Variants in CUBN observed in about 807,000 individuals in gnomAD.
The protein encoded by CUBN is 460 kDa receptor.
A neutral mutation model predicts 405.3 loss-of-function variants in CUBN; 282 were observed. That is an observed-to-expected ratio of 0.70 (90% CI 0.63 to 0.77). CUBN has a LOEUF of 0.77. Among genes scored for constraint, CUBN ranks in the 30% least tolerant of loss-of-function variants. The pLI is 0.00. For synonymous variants in CUBN, 1,684 were observed against 1,617.0 expected (o/e 1.04, Z -0.99); for missense variants, 4,514 against 4,475.2 (o/e 1.01, Z -0.25).
intron 58 of CUBN, among the ~76,000 whole-genome samples, chr10:16,873,727 AAAAAAAAAAAG>A (rs1388181934): frequency 1.3e-5 from 2 of 151,718 alleles, no homozygotes; most frequent in Non-Finnish European, 2.9e-5. Context: ...CTCTCAAAAA[AAAAAAAAAAAG>A]AAAAGAAAAA....
chr10:16,889,378 T>C (rs1438061659), intron 55 of CUBN, among the ~76,000 whole-genome samples: 1 of 152,136 alleles, frequency 6.6e-6, no homozygotes, highest in Non-Finnish European at 1.5e-5. Context: ...TTCCTCAAAC[T>C]TTTCCCTAAA....
chr10:16,921,662 C>T (rs1842036909), intron 43 of CUBN, among the ~76,000 whole-genome samples: 1 of 152,214 alleles, frequency 6.6e-6, no homozygotes, highest in South Asian at 2.1e-4. Flanking sequence ...GTCATTCTTC[C>T]TCTGGCCCTT....
intron 6 of CUBN, 152 bp from the exon 7 acceptor site, chr10:17,115,749 C>G: frequency 3.2e-6 from 3 of 927,196 alleles, no homozygotes; most frequent in Non-Finnish European, 5.1e-6. Context: ...ACTGGAGTCT[C>G]GGGAGAAAAT....
intron 28 of CUBN, among the ~76,000 whole-genome samples, chr10:17,012,215 C>T (rs189359676): frequency 1.2e-3 from 177 of 152,146 alleles, no homozygotes; most frequent in Admixed American, 1.9e-3. Context: ...ATACAGGGCC[C>T]GAAGGCAAGT....
At chr10:16,875,336 C>A (rs1429187312) in intron 57 of CUBN, among the ~76,000 whole-genome samples, 2 of 152,156 alleles carry the variant, frequency 1.3e-5, no homozygotes, top group Non-Finnish European at 2.9e-5. Context: ...TGATCACTCT[C>A]CCTGCAGTGG....
intron 27 of CUBN, among the ~76,000 whole-genome samples, chr10:17,039,903 C>T (rs1354704576): frequency 6.6e-6 from 1 of 152,166 alleles, no homozygotes. Context: ...GTTAGGACCT[C>T]ACAGAGTCTC....
chr10:16,840,803 C>A, intron 61 of CUBN, 82 bp downstream of exon 61: 1 of 1,248,200 alleles, frequency 8.0e-7, no homozygotes, highest in East Asian at 2.3e-5. Context: ...ATTGAAATTT[C>A]GATATAATAA....
intron 31 of CUBN, among the ~76,000 whole-genome samples, chr10:16,972,175 C>G (rs1207010534): frequency 6.6e-6 from 1 of 152,124 alleles, no homozygotes; most frequent in Non-Finnish European, 1.5e-5. Flanking sequence ...GATCTTTCAT[C>G]CACCCGTTAC....
At chr10:16,969,230 T>C (rs949066041) in intron 31 of CUBN, among the ~76,000 whole-genome samples, 4 of 142,816 alleles carry the variant, frequency 2.8e-5, no homozygotes, top group African/African-American at 1.0e-4. Flanking sequence ...GGAGCAGAGA[T>C]GACAAAAATT....
chr10:16,880,290 T>G (rs1840631022), intron 56 of CUBN, among the ~76,000 whole-genome samples: 1 of 152,162 alleles, frequency 6.6e-6, no homozygotes, highest in South Asian at 2.1e-4. Flanking sequence ...ATTGACTGAT[T>G]GATAATTCCA....
intron 27 of CUBN, among the ~76,000 whole-genome samples, chr10:17,032,521 C>T (rs535041411): frequency 3.9e-5 from 6 of 152,286 alleles, no homozygotes; most frequent in African/African-American, 1.4e-4. Flanking sequence ...CATACTTATA[C>T]TCAGTTACTG....
At chr10:17,119,767 G>C (rs1836993053) in intron 6 of CUBN, among the ~76,000 whole-genome samples, 1 of 152,218 alleles carries the variant, frequency 6.6e-6, no homozygotes, top group Non-Finnish European at 1.5e-5. Context: ...AATTGTGTTA[G>C]TTGTCTGAAG....
intron 36 of CUBN, among the ~76,000 whole-genome samples, chr10:16,944,203 T>C (rs1368759804): frequency 6.6e-6 from 1 of 152,180 alleles, no homozygotes; most frequent in Non-Finnish European, 1.5e-5. Flanking sequence ...GCACTTTGAA[T>C]AGAAAGATTT....
rs1588557222 is a variant in CUBN at position 16,990,510 on chromosome 10, C to T, written c.4174G>A (p.Gly1392Ser). The change falls in exon 29 of 67, where the codon GGT (glycine) becomes AGT (serine). Residue 1392 changes from glycine (G) to serine (S), a missense_variant. By Grantham distance (56) the Gly-to-Ser change is moderately conservative. This residue lies in a region of CUBN where 242 missense variants were observed against 309.0 expected (regional missense o/e 0.78). Coordinates refer to ENST00000377833, the MANE Select transcript of CUBN (RefSeq NM_001081.4). The stretch of plus-strand genomic sequence containing the variant: ...CCTGTGGCCCCAGACAGCTCTCCAC[C>T]ACAACCTGTTAAAACAGAAAGGTTC... ...FQMQWFVYGC[G>S]GELSGATGSF... The T allele has an allele frequency of 6.2e-7, 1 of 1,614,158 alleles. No individual in the cohort carries two copies. The highest frequency in any genetic ancestry group is 8.5e-7 in the Non-Finnish European group (1 of 1,180,030).
At chr10:16,886,415 T>C (rs78879496) in intron 56 of CUBN, among the ~76,000 whole-genome samples, 2,503 of 152,316 alleles carry the variant, frequency 0.016, 76 homozygotes, top group African/African-American at 0.058. Flanking sequence ...ATTTCGAATA[T>C]ACCGAGGTAG....
chr10:16,828,019 G>C (rs997124353), intron 66 of CUBN, among the ~76,000 whole-genome samples: 3 of 152,104 alleles, frequency 2.0e-5, no homozygotes, highest in African/African-American at 7.2e-5. Flanking sequence ...ACAAACTATC[G>C]GTCACCATTT....
At chr10:16,862,636 G>A (rs1840052058) in intron 59 of CUBN, among the ~76,000 whole-genome samples, 1 of 152,138 alleles carries the variant, frequency 6.6e-6, no homozygotes, top group Non-Finnish European at 1.5e-5. Context: ...TATAACAAAA[G>A]AATGTTTTAA....
chr10:16,981,848 A>T (rs1375104482), intron 31 of CUBN, among the ~76,000 whole-genome samples: 1 of 152,174 alleles, frequency 6.6e-6, no homozygotes, highest in East Asian at 1.9e-4. Context: ...TCATCTGACC[A>T]ATTCATAGCC....
intron 6 of CUBN, chr10:17,122,490 A>C (rs1281518313): frequency 2.3e-6 from 1 of 437,974 alleles, no homozygotes; most frequent in East Asian, 6.2e-5. Flanking sequence ...GGCTCTTCCT[A>C]AGTCTTCAGC....
Sources: allele counts gnomAD v4.1 joint callset (sites outside exome capture counted in the v4.1 genomes callset), GRCh38; gene constraint gnomAD v4.1.1; regional missense constraint gnomAD v4.1.1; transcripts MANE v1.5; gene names NCBI Gene and HGNC (gene_info 2026-07-23, HGNC 2026-07-21).